Variants in SCAF11 observed in about 807,000 individuals in gnomAD.
SCAF11 encodes the protein protein SCAF11.
A neutral mutation model predicts 140.5 loss-of-function variants in SCAF11; 47 were observed. The ratio of observed to expected loss-of-function variants is 0.33; its 90% CI spans 0.26 to 0.43. SCAF11 has a LOEUF of 0.43. SCAF11 is among the 20% of genes least tolerant of loss of function. SCAF11 has a pLI of 1.00. For synonymous variants in SCAF11, 557 were observed against 579.4 expected (o/e 0.96, Z 0.55); for missense variants, 1,645 against 1,705.1 (o/e 0.96, Z 0.62).
Position 45,928,503 on chromosome 12 carries a change from A to G in SCAF11, c.1198T>C (p.Ser400Pro), listed in dbSNP as rs1565661667. ...TCATCTACTGAATCATTGGAAGATGATTTTTCAGGGGCAGCTACAGAGCTC... is the reference window on the plus strand; with the variant it reads ...TCATCTACTGAATCATTGGAAGATGGTTTTTCAGGGGCAGCTACAGAGCTC... ...LRSSVAAPEKSSSNDSVDEET... is the reference protein window; with the variant it reads ...LRSSVAAPEKPSSNDSVDEET... The change falls in exon 11 of 15, where the codon TCA becomes CCA. Residue 400 changes from serine to proline, a missense_variant. Physicochemically the swap from Ser to Pro is moderately conservative, Grantham distance 74 (BLOSUM62 -1). This residue lies in a region of SCAF11 where 1,582 missense variants were observed against 1,609.2 expected (regional missense o/e 0.98). Coordinates refer to ENST00000369367, the MANE Select transcript of SCAF11 (RefSeq NM_004719.3). 3.7e-6 allele frequency: 6 copies of G among 1,613,512 alleles called. No homozygotes were observed. The highest frequency in any genetic ancestry group is 5.1e-6 in the Non-Finnish European group (6 of 1,179,804).
rs1592157780 is a variant in SCAF11, at chr12:45,920,618, A to C, written c.*1430T>G. The C allele has an allele frequency of 6.6e-6, 1 of 152,494 alleles. No homozygotes were observed. Among genetic ancestry groups the C allele is most frequent in the African/African-American group, 2.4e-5 (1 of 41,420 alleles). The allele number at this position is 152,494 out of a possible 1,614,324, so 9.4% of individuals were successfully genotyped here. Reference sequence around the variant, plus strand: ...TAGTATTAAAAAGAGAAAAAAAAAAAAACCCAAATCCCTAATCCCTGAAAG... The same window carrying C: ...TAGTATTAAAAAGAGAAAAAAAAAACAACCCAAATCCCTAATCCCTGAAAG... On this transcript the variant is annotated 3_prime_UTR_variant, in exon 15 of 15. Transcript: ENST00000369367.
chr12:45,977,382 C>G (rs1946258563), intron 1 of SCAF11, among the ~76,000 whole-genome samples: 1 of 151,440 alleles, frequency 6.6e-6, no homozygotes, highest in Admixed American at 6.6e-5. Context: ...CATTTACATG[C>G]AAACCTATAG....
intron 3 of SCAF11, among the ~76,000 whole-genome samples, chr12:45,953,129 TCA>T (rs1389102028): frequency 1.3e-5 from 2 of 152,212 alleles, no homozygotes; most frequent in Admixed American, 6.5e-5. Context: ...TTAAATTGGT[TCA>T]GACTGGAAGA....
rs1335586996 is a variant in SCAF11 at position 45,926,233 on chromosome 12, T to C, written c.3468A>G (p.Ala1156=). ...GTCGTGAGTAGTAGTTTTGTACATC[T>C]GCTGGCAAAGTCTTTCTCACGGCCC... is the stretch of plus-strand genomic sequence containing the variant. The part of the protein sequence containing the change: ...SSWAVRKTLP[A]DVQNYYSRRG... The change falls in exon 11 of 15, where the codon GCA becomes GCG. Residue 1156 remains alanine, a synonymous_variant. Coordinates refer to ENST00000369367, the MANE Select transcript of SCAF11 (RefSeq NM_004719.3). 2 of 1,614,216 alleles carry C rather than the reference T, an allele frequency of 1.2e-6. No homozygotes were observed. The highest frequency in any genetic ancestry group is 1.7e-5 in the Admixed American group (1 of 60,024).
At chr12:45,949,398 AGC>A (rs1945498733) in intron 4 of SCAF11, among the ~76,000 whole-genome samples, 1 of 152,188 alleles carries the variant, frequency 6.6e-6, no homozygotes, top group African/African-American at 2.4e-5. Context: ...TTACATGTTG[AGC>A]TAATACATTA....
intron 10 of SCAF11, chr12:45,930,074 TAA>T (rs1200029534): frequency 3.9e-5 from 6 of 152,230 alleles, no homozygotes; most frequent in East Asian, 3.8e-4. Flanking sequence ...ACAAAAATCA[TAA>T]GAGAAAATAC....
intron 1 of SCAF11, among the ~76,000 whole-genome samples, chr12:45,973,897 C>T (rs1229961796): frequency 6.6e-6 from 1 of 152,146 alleles, no homozygotes; most frequent in Non-Finnish European, 1.5e-5. Flanking sequence ...TCAACAGAAA[C>T]AGTAAATGCC....
At chr12:45,952,617 T>C (rs1012737998) in intron 3 of SCAF11, among the ~76,000 whole-genome samples, 1 of 152,214 alleles carries the variant, frequency 6.6e-6, no homozygotes, top group African/African-American at 2.4e-5. Flanking sequence ...TCCTGTCCTT[T>C]TAAAATTCCT....
At chr12:45,944,148 G>C (rs1945367912) in intron 6 of SCAF11, among the ~76,000 whole-genome samples, 1 of 152,038 alleles carries the variant, frequency 6.6e-6, no homozygotes, top group South Asian at 2.1e-4. Context: ...ATCTTCCTCA[G>C]CAGTAAATTT....
upstream of SCAF11, among the ~76,000 whole-genome samples, chr12:45,990,851 G>A (rs1946589027): frequency 1.3e-5 from 2 of 152,240 alleles, no homozygotes; most frequent in South Asian, 2.1e-4. Context: ...AGCTGCGCTG[G>A]AGGGGCCTTC....
intron 1 of SCAF11, among the ~76,000 whole-genome samples, chr12:45,989,324 A>G (rs963883631): frequency 3.3e-5 from 5 of 152,228 alleles, no homozygotes; most frequent in African/African-American, 1.2e-4. Context: ...AAAATTTAAC[A>G]TCAGCATCTA....
intron 6 of SCAF11, among the ~76,000 whole-genome samples, chr12:45,935,533 C>T (rs1299124772): frequency 2.6e-5 from 4 of 152,124 alleles, no homozygotes; most frequent in Non-Finnish European, 5.9e-5. Context: ...TAGAAATAAC[C>T]ATGTTCCTTC....
rs954861209 is a variant in SCAF11, at chr12:45,990,382, G to T, written c.-51C>A. The T allele has an allele frequency of 4.1e-6, 5 of 1,232,386 alleles. No homozygotes were observed. The South Asian group carries it at 2.1e-4, about 51-fold the overall frequency. The allele number at this position is 1,232,386 out of a possible 1,614,324, so 76.3% of individuals were successfully genotyped here. ...GACCGAGGTCGAGGCGCTCGGTCCG[G>T]CCGCGGCCCCACAGTAGGTTCCCAG... On this transcript the variant is annotated 5_prime_UTR_variant, in exon 1 of 15. Coordinates refer to ENST00000369367, the MANE Select transcript of SCAF11 (RefSeq NM_004719.3).
intron 1 of SCAF11, among the ~76,000 whole-genome samples, chr12:45,967,424 G>A (rs767331544): frequency 4.0e-4 from 61 of 152,150 alleles, no homozygotes; most frequent in Non-Finnish European, 7.5e-4. Context: ...CGGGAGGAGC[G>A]TCTGAGATCA....
chr12:45,938,434 A>C (rs1428624196), intron 6 of SCAF11, among the ~76,000 whole-genome samples: 2 of 152,172 alleles, frequency 1.3e-5, no homozygotes, highest in Non-Finnish European at 2.9e-5. Context: ...GGTTGCAGTA[A>C]GCTGAGATTG....
chr12:45,922,910 A>G, intron 13 of SCAF11, 26 bp downstream of exon 13: 1 of 1,592,280 alleles, frequency 6.3e-7, no homozygotes, highest in Non-Finnish European at 8.6e-7. Context: ...CAGAATTATG[A>G]AGGTTGCTCT....
intron 1 of SCAF11, among the ~76,000 whole-genome samples, chr12:45,980,484 G>C (rs372418391): frequency 6.6e-6 from 1 of 152,104 alleles, no homozygotes; most frequent in African/African-American, 2.4e-5. Flanking sequence ...TCATTTTACA[G>C]TGATACTGTC....
intron 1 of SCAF11, among the ~76,000 whole-genome samples, chr12:45,972,565 G>A (rs1418133611): frequency 7.6e-6 from 1 of 132,426 alleles, no homozygotes; most frequent in Non-Finnish European, 1.6e-5. Context: ...GCCTGGATGC[G>A]ACAGCAAAAC....
intron 4 of SCAF11, among the ~76,000 whole-genome samples, chr12:45,950,091 C>T (rs12298353): frequency 0.021 from 3,197 of 151,976 alleles, 119 homozygotes; most frequent in African/African-American, 0.073. Context: ...TTTTAGAAGC[C>T]GAAGGAATTA....
Sources: allele counts gnomAD v4.1 joint callset (sites outside exome capture counted in the v4.1 genomes callset), GRCh38; gene constraint gnomAD v4.1.1; regional missense constraint gnomAD v4.1.1; transcripts MANE v1.5; gene names NCBI Gene and HGNC (gene_info 2026-07-23, HGNC 2026-07-21).